GRID2: variants seen among roughly 807,000 people sequenced by gnomAD.
The protein encoded by GRID2 is glutamate receptor ionotropic, delta-2.
GRID2 carries 33 observed loss-of-function variants against 114.8 expected under a neutral mutation model. That is an observed-to-expected ratio of 0.29 (90% CI 0.22 to 0.38). GRID2 has a LOEUF of 0.38. Among genes scored for constraint, GRID2 ranks in the 10% least tolerant of loss-of-function variants. The pLI is 1.00. For synonymous variants in GRID2, 505 were observed against 449.9 expected (o/e 1.12, Z -1.55); for missense variants, 1,184 against 1,257.7 (o/e 0.94, Z 0.89).
intron 2 of GRID2, among the ~76,000 whole-genome samples, chr4:92,965,476 AAAAAAAAAAAAAAC>A (rs1753092157): frequency 1.5e-5 from 2 of 132,272 alleles, no homozygotes; most frequent in Admixed American, 7.6e-5. Flanking sequence ...AAAAAAAAAA[AAAAAAAAAAAAAAC>A]ACACAACATC....
At chr4:92,662,712 A>T (rs1436574398) in intron 2 of GRID2, among the ~76,000 whole-genome samples, 2 of 151,240 alleles carry the variant, frequency 1.3e-5, no homozygotes, top group African/African-American at 2.4e-5. Context: ...AGATGAATTT[A>T]TGGATTATCT....
intron 1 of GRID2, among the ~76,000 whole-genome samples, chr4:92,381,973 AT>A (rs1729640368): frequency 4.0e-5 from 6 of 151,858 alleles, no homozygotes; most frequent in Admixed American, 2.6e-4. Flanking sequence ...GTTTTTCATG[AT>A]TTTTCCCCCT....
chr4:93,255,723 A>G (rs1344393396), intron 8 of GRID2, among the ~76,000 whole-genome samples: 1 of 152,060 alleles, frequency 6.6e-6, no homozygotes, highest in Admixed American at 6.6e-5. Context: ...AACTTCTGCC[A>G]TGTTGTGACA....
intron 2 of GRID2, among the ~76,000 whole-genome samples, chr4:93,030,899 A>G (rs1724360404): frequency 6.6e-6 from 1 of 152,016 alleles, no homozygotes; most frequent in African/African-American, 2.4e-5. Flanking sequence ...GAAGAGAGAA[A>G]ACAAATCTCA....
intron 3 of GRID2, among the ~76,000 whole-genome samples, chr4:93,090,099 A>G (rs1456442284): frequency 6.6e-6 from 1 of 152,108 alleles, no homozygotes; most frequent in Admixed American, 6.6e-5. Context: ...TTGTTGGCTA[A>G]TAGTAAATTT....
intron 8 of GRID2, among the ~76,000 whole-genome samples, chr4:93,331,623 A>G (rs1432153947): frequency 1.3e-5 from 2 of 152,160 alleles, no homozygotes; most frequent in African/African-American, 4.8e-5. Flanking sequence ...AGTGGCTAGC[A>G]ATAGCAGCCA....
Position 92,329,738 on chromosome 4 carries a change from C to A in GRID2, c.88+24994C>A, listed in dbSNP as rs1399619499. Among the ~76,000 whole-genome samples, 65 of 151,742 alleles carry A rather than the reference C, an allele frequency of 4.3e-4. 1 individual carries two copies. The highest frequency in any genetic ancestry group is 4.2e-3 in the Admixed American group (64 of 15,158). On this transcript the variant is annotated intron_variant, in intron 1 of 15. Coordinates refer to ENST00000282020, the MANE Select transcript of GRID2 (RefSeq NM_001510.4). ...TGCAGCTTACCTCTAAAATGGAAGACAGGCAATAAAGGAATGATGACATAT... is the reference window on the plus strand; with the variant it reads ...TGCAGCTTACCTCTAAAATGGAAGAAAGGCAATAAAGGAATGATGACATAT...
chr4:92,408,518 G>T (rs1027196754), intron 1 of GRID2, among the ~76,000 whole-genome samples: 1 of 125,486 alleles, frequency 8.0e-6, no homozygotes, highest in East Asian at 2.7e-4. Context: ...CTGTGAAAAT[G>T]ACCTTGGTAT....
At chr4:92,851,766 A>G (rs1384816942) in intron 2 of GRID2, among the ~76,000 whole-genome samples, 1 of 151,954 alleles carries the variant, frequency 6.6e-6, no homozygotes, top group Non-Finnish European at 1.5e-5. Context: ...ATAGGAGTAC[A>G]TAATATTGCC....
At chr4:93,613,968 C>T (rs544973559) in intron 13 of GRID2, among the ~76,000 whole-genome samples, 31 of 151,824 alleles carry the variant, frequency 2.0e-4, no homozygotes, top group Non-Finnish European at 3.5e-4. Context: ...AGCGAGATTC[C>T]GTGGGCGTAG....
chr4:92,597,317 T>C (rs943064070), intron 2 of GRID2, among the ~76,000 whole-genome samples: 2 of 152,132 alleles, frequency 1.3e-5, no homozygotes, highest in Admixed American at 6.6e-5. Context: ...GTTGTTTTAC[T>C]GCTGTATTTG....
At chr4:93,287,830 G>T (rs1753342000) in intron 8 of GRID2, among the ~76,000 whole-genome samples, 1 of 152,090 alleles carries the variant, frequency 6.6e-6, no homozygotes, top group African/African-American at 2.4e-5. Context: ...GCAATACCTA[G>T]ATGGGATTTC....
intron 2 of GRID2, among the ~76,000 whole-genome samples, chr4:92,652,956 A>C (rs1732036776): frequency 7.8e-6 from 1 of 128,150 alleles, no homozygotes; most frequent in Admixed American, 7.8e-5. Context: ...TTATAAATAT[A>C]TATAAACATA....
intron 13 of GRID2, among the ~76,000 whole-genome samples, chr4:93,542,842 C>T (rs953409796): frequency 1.3e-5 from 2 of 152,134 alleles, no homozygotes; most frequent in Admixed American, 1.3e-4. Flanking sequence ...ATTTAAATTC[C>T]TCTCTGCCCA....
chr4:92,571,257 T>G (rs951804390), intron 1 of GRID2, among the ~76,000 whole-genome samples: 5 of 151,800 alleles, frequency 3.3e-5, no homozygotes, highest in Non-Finnish European at 7.4e-5. Context: ...ATGTATTGAT[T>G]TGCCAACAAA....
At chr4:92,305,673 G>A (rs1725358430) in intron 1 of GRID2, among the ~76,000 whole-genome samples, 1 of 152,140 alleles carries the variant, frequency 6.6e-6, no homozygotes, top group Non-Finnish European at 1.5e-5. Flanking sequence ...AACCAGACGG[G>A]CCGGGACTGG....
intron 1 of GRID2, among the ~76,000 whole-genome samples, chr4:92,308,781 G>A (rs1376940826): frequency 6.6e-6 from 1 of 151,320 alleles, no homozygotes; most frequent in Non-Finnish European, 1.5e-5. Context: ...ATTGGTTAAT[G>A]ATAACCCCCA....
chr4:93,582,943 T>C (rs1296498359), intron 13 of GRID2, among the ~76,000 whole-genome samples: 1 of 152,118 alleles, frequency 6.6e-6, no homozygotes. Context: ...GGCTAGAAAT[T>C]CGAAATCAAG....
At chr4:93,395,898 T>C (rs1377907166) in intron 9 of GRID2, among the ~76,000 whole-genome samples, 190 bp downstream of exon 9, 3 of 152,018 alleles carry the variant, frequency 2.0e-5, no homozygotes, top group Admixed American at 2.0e-4. Context: ...TTTTGCAGAC[T>C]TTTAACTACA....
Sources: allele counts gnomAD v4.1 joint callset (sites outside exome capture counted in the v4.1 genomes callset), GRCh38; gene constraint gnomAD v4.1.1; transcripts MANE v1.5; gene names NCBI Gene and HGNC (gene_info 2026-07-23, HGNC 2026-07-21).